The following SPINK13 variants were observed in gnomAD, a reference collection of about 807,000 sequenced individuals.
The protein encoded by SPINK13 is serine protease inhibitor Kazal-type 13.
A neutral mutation model predicts 11.0 loss-of-function variants in SPINK13; 11 were observed. That is an observed-to-expected ratio of 1.00 (90% CI 0.63 to 1.65). The LOEUF (loss-of-function observed/expected upper bound fraction) is 1.65. Among genes scored for constraint, SPINK13 ranks in the 40% most tolerant of loss-of-function variants. The pLI, the probability that SPINK13 is intolerant of heterozygous loss-of-function variation, is 0.00. For missense variants in SPINK13, 113 were observed against 117.7 expected, an observed-to-expected ratio of 0.96 and a Z score of 0.19; for synonymous variants, 31 against 35.6, an observed-to-expected ratio of 0.87 and a Z score of 0.46.
intron 2 of SPINK13, among the ~76,000 whole-genome samples, chr5:148,271,827 T>C (rs1756355881): frequency 6.6e-6 from 1 of 151,740 alleles, no homozygotes; most frequent in Non-Finnish European, 1.5e-5. Flanking sequence ...GGTTTCACCA[T>C]GTTAGCCAGG....
intron 4 of SPINK13, among the ~76,000 whole-genome samples, chr5:148,283,009 G>A (rs74739401): frequency 0.026 from 3,949 of 152,190 alleles, 139 homozygotes; most frequent in East Asian, 0.11. Context: ...TATAATGAAA[G>A]GATACAAATT....
At chr5:148,284,733 C>T (rs1756566789) in intron 4 of SPINK13, among the ~76,000 whole-genome samples, 1 of 152,262 alleles carries the variant, frequency 6.6e-6, no homozygotes, top group East Asian at 1.9e-4. Flanking sequence ...GCAAATTGGA[C>T]TCACTGCTCT....
At chr5:148,282,049 A>G (rs1756523341) in intron 3 of SPINK13, 55 bp from the exon 4 acceptor site, 2 of 1,600,868 alleles carry the variant, frequency 1.2e-6, no homozygotes, top group Non-Finnish European at 1.7e-6. Flanking sequence ...TGACAGGAAG[A>G]AATAGATGGG....
Position 148,270,274 on chromosome 5 carries a change from T to C in SPINK13, c.70+132T>C, listed in dbSNP as rs1756331255. Reference sequence around the variant, plus strand: ...AAGCCAGTGCAGTCCAAACTGGGTATAATTAAAATGTATATTCTTAAATAG... The same window carrying C: ...AAGCCAGTGCAGTCCAAACTGGGTACAATTAAAATGTATATTCTTAAATAG... On this transcript the variant is annotated intron_variant, in intron 2 of 4. Transcript: ENST00000398450. 3.8e-6 allele frequency: 3 copies of C among 790,108 alleles called. No individual in the cohort carries two copies. The Admixed American group carries it at 7.4e-5, about 20-fold the overall frequency. The allele number at this position is 790,108 out of a possible 1,614,324, so 48.9% of individuals were successfully genotyped here.
chr5:148,270,421 AATT>A (rs1213932255), intron 2 of SPINK13, among the ~76,000 whole-genome samples: 1 of 152,184 alleles, frequency 6.6e-6, no homozygotes, highest in African/African-American at 2.4e-5. Context: ...TATACAGTAT[AATT>A]ATTATTTTTC....
At chr5:148,269,326 C>A (rs1001616478) in intron 1 of SPINK13, among the ~76,000 whole-genome samples, 20 of 152,172 alleles carry the variant, frequency 1.3e-4, no homozygotes, top group African/African-American at 4.6e-4. Flanking sequence ...ATTTGAACTG[C>A]CATCTCTCTA....
At position 148,286,046 on chromosome 5, in the gene SPINK13, T is replaced by C. The variant is rs200853359; in HGVS notation, c.283T>C (p.Ter95GlnextTer5). ...ATTTGAAAAATATGGAAAATGTGAT[T>C]AATGGGTACCAGAGTAACTACACTT... ...IKFEKYGKCD* is the reference protein window; with the variant it reads ...IKFEKYGKCDQ The change falls in exon 5 of 5, where the codon TAA (stop) becomes CAA (glutamine). Residue 95 changes from the stop codon to glutamine (Q), a stop_lost. Coordinates refer to ENST00000398450, the MANE Select transcript of SPINK13 (RefSeq NM_001040129.3). 16 of 1,451,850 alleles carry C rather than the reference T, an allele frequency of 1.1e-5. No homozygotes were observed. The African/African-American group carries it at 2.2e-4, about 20-fold the overall frequency. 89.9% of individuals were successfully genotyped at this position (1,451,850 alleles called of 1,614,324 possible). A position where few individuals can be genotyped will look rare whatever the true frequency, so the allele number is the denominator to read the frequency against.
At chr5:148,279,091 C>CTTTTTTTTTTTTTTTTTTT (rs746029113) in intron 3 of SPINK13, among the ~76,000 whole-genome samples, 4 of 51,684 alleles carry the variant, frequency 7.7e-5, no homozygotes, top group Admixed American at 2.2e-4. Flanking sequence ...GCAACCCCTG[C>CTTTTTTTTTTTTTTTTTTT]TTTTTTTTTT....
intron 3 of SPINK13, among the ~76,000 whole-genome samples, chr5:148,275,571 C>A (rs1300766853): frequency 6.6e-6 from 1 of 152,152 alleles, no homozygotes; most frequent in Non-Finnish European, 1.5e-5. Context: ...TTGTCCTCCA[C>A]AATGGTTGAA....
intron 3 of SPINK13, among the ~76,000 whole-genome samples, chr5:148,278,690 T>C (rs556770893): frequency 7.9e-5 from 12 of 152,186 alleles, no homozygotes; most frequent in African/African-American, 1.9e-4. Context: ...TTACTTCCAA[T>C]AATGTGTTCA....
intron 3 of SPINK13, among the ~76,000 whole-genome samples, chr5:148,280,874 C>T (rs1486406898): frequency 6.6e-6 from 1 of 152,176 alleles, no homozygotes; most frequent in Non-Finnish European, 1.5e-5. Flanking sequence ...CTGCTGAAGA[C>T]GCACCCACAG....
intron 4 of SPINK13, among the ~76,000 whole-genome samples, chr5:148,283,531 GC>G (rs1411442082): frequency 6.6e-6 from 1 of 152,136 alleles, no homozygotes; most frequent in Non-Finnish European, 1.5e-5. Context: ...CTAGTATCAT[GC>G]TTTCAATGAG....
chr5:148,281,342 A>C (rs1357371627), intron 3 of SPINK13, among the ~76,000 whole-genome samples: 1 of 151,432 alleles, frequency 6.6e-6, no homozygotes, highest in Non-Finnish European at 1.5e-5. Flanking sequence ...GAAAAAAAAA[A>C]CTCCTGCAAT....
chr5:148,277,103 T>C lies in SPINK13; in HGVS notation c.108+2719T>C, dbSNP rs183029302. 1.7e-3 allele frequency among the ~76,000 whole-genome samples: 253 copies of C among 152,352 alleles called. 2 individuals carry two copies. The highest frequency in any genetic ancestry group is 5.8e-3 in the African/African-American group (242 of 41,582). On this transcript the variant is annotated intron_variant, in intron 3 of 4. Transcript: ENST00000398450. ...GCCTATTATTGGTGTATAGGAATGC[T>C]TGTGATTTTTGCACATTGATTTTGT...
At chr5:148,276,436 G>A (rs988151226) in intron 3 of SPINK13, among the ~76,000 whole-genome samples, 3 of 152,106 alleles carry the variant, frequency 2.0e-5, no homozygotes, top group African/African-American at 7.2e-5. Flanking sequence ...TTTAGGTCTT[G>A]CATTTAAATC....
At chr5:148,269,686 G>GGCA (rs1756317944) in intron 1 of SPINK13, among the ~76,000 whole-genome samples, 1 of 152,064 alleles carries the variant, frequency 6.6e-6, no homozygotes, top group South Asian at 2.1e-4. Context: ...CTAACAAGAA[G>GGCA]GCAGCAGCTT....
intron 3 of SPINK13, among the ~76,000 whole-genome samples, chr5:148,275,411 CT>C (rs1756410592): frequency 6.6e-6 from 1 of 152,098 alleles, no homozygotes; most frequent in South Asian, 2.1e-4. Flanking sequence ...GGTTCCAAGT[CT>C]TTGCTATTGT....
intron 3 of SPINK13, among the ~76,000 whole-genome samples, chr5:148,280,428 A>G (rs1368922177): frequency 6.6e-6 from 1 of 152,076 alleles, no homozygotes; most frequent in Non-Finnish European, 1.5e-5. Flanking sequence ...GGATTTATCT[A>G]CCTTTGGTCT....
intron 2 of SPINK13, among the ~76,000 whole-genome samples, chr5:148,271,954 T>C (rs1012483787): frequency 1.3e-5 from 2 of 152,236 alleles, no homozygotes; most frequent in African/African-American, 4.8e-5. Flanking sequence ...CAATACTATA[T>C]GAAGAGAATA....
Sources: gnomAD v4.1 joint callset for allele counts (sites outside exome capture counted in the v4.1 genomes callset) on GRCh38, gnomAD v4.1.1 for gene constraint, MANE v1.5 for transcripts, NCBI Gene and HGNC (gene_info 2026-07-23, HGNC 2026-07-21) for gene names.